Variants in ZFP2 observed in about 807,000 individuals in gnomAD.
The protein encoded by ZFP2 is ZFP2 zinc finger protein, also known as zinc finger protein ZFP2.
Under a neutral mutation model 36.1 loss-of-function variants are expected in ZFP2, and 33 were observed. The observed-to-expected ratio is 0.92, with a 90% confidence interval of 0.69 to 1.22. The LOEUF is 1.22. Among genes scored for constraint, ZFP2 ranks in the 50% most tolerant of loss-of-function variants. ZFP2 has a pLI of 0.00. For missense variants in ZFP2, 522 were observed against 551.4 expected, an observed-to-expected ratio of 0.95 and a Z score of 0.53; for synonymous variants, 170 against 178.0, an observed-to-expected ratio of 0.96 and a Z score of 0.36.
chr5:178,905,044 T>C (rs1449945499), intron 1 of ZFP2, among the ~76,000 whole-genome samples: 1 of 152,122 alleles, frequency 6.6e-6, no homozygotes, highest in South Asian at 2.1e-4. Flanking sequence ...ATTTTTCGTT[T>C]CAAAAGTTTC....
chr5:178,932,476 G>A lies in ZFP2; in HGVS notation c.1163G>A (p.Gly388Glu), dbSNP rs780869458. The part of the protein sequence containing the change: ...GEKPYECNEC[G>E]KAFSQSAYLI... Reference sequence around the variant, plus strand: ...AAACCTTATGAGTGCAATGAATGTGGAAAGGCATTCAGCCAGAGTGCTTAC... The same window carrying A: ...AAACCTTATGAGTGCAATGAATGTGAAAAGGCATTCAGCCAGAGTGCTTAC... Residue 388 changes from glycine (G) to glutamate (E), a missense_variant, in exon 5 of 5, where the codon GGA becomes GAA. Transcript: ENST00000361362. 6.2e-7 allele frequency: 1 copy of A among 1,614,010 alleles called. No homozygotes were observed. The highest frequency in any genetic ancestry group is 1.1e-5 in the South Asian group (1 of 91,080).
At chr5:178,922,501 A>G in intron 4 of ZFP2, 4 of 1,372,456 alleles carry the variant, frequency 2.9e-6, no homozygotes, top group Non-Finnish European at 4.2e-6. Flanking sequence ...GTAGAAATGG[A>G]GTTACATCCA....
intron 1 of ZFP2, chr5:178,910,050 A>G: frequency 6.8e-7 from 1 of 1,468,838 alleles, no homozygotes; most frequent in East Asian, 2.3e-5. Context: ...TTCAGAGTCC[A>G]GGCCAAACTG....
intron 4 of ZFP2, among the ~76,000 whole-genome samples, chr5:178,927,480 A>G (rs1758701129): frequency 6.7e-6 from 1 of 150,002 alleles, no homozygotes; most frequent in Non-Finnish European, 1.5e-5. Flanking sequence ...TAGGTAATTT[A>G]TTCATTTATT....
At chr5:178,909,564 G>A (rs779620720) in intron 1 of ZFP2, 95 of 650,352 alleles carry the variant, frequency 1.5e-4, no homozygotes, top group Non-Finnish European at 1.9e-4. Context: ...TAGCCCCCAC[G>A]GCCTGGTGTT....
At chr5:178,909,604 G>C (rs1758246644) in intron 1 of ZFP2, 2 of 1,172,042 alleles carry the variant, frequency 1.7e-6, no homozygotes, top group South Asian at 4.6e-5. Flanking sequence ...AAGGTGTGAA[G>C]TAGAAACTAT....
At chr5:178,902,626 A>T (rs1247012806) in intron 1 of ZFP2, among the ~76,000 whole-genome samples, 3 of 152,214 alleles carry the variant, frequency 2.0e-5, no homozygotes, top group African/African-American at 7.2e-5. Flanking sequence ...ATTAATTAAA[A>T]TTTGAATGGC....
intron 3 of ZFP2, among the ~76,000 whole-genome samples, chr5:178,916,292 T>C (rs148281066): frequency 6.6e-6 from 1 of 152,290 alleles, no homozygotes; most frequent in Non-Finnish European, 1.5e-5. Flanking sequence ...AGAAATACGC[T>C]GTGGGCAGAA....
rs372103494 is a variant in ZFP2 at position 178,896,519 on chromosome 5, C to T, written c.-450+545C>T. On this transcript the variant is annotated intron_variant, in intron 1 of 4. Transcript: ENST00000361362. ...GTCTCCGGACCCGCCCTCTGGATCT[C>T]ATTCCGAGAGCGCTGGCGTGGGCTC... Among the ~76,000 whole-genome samples the T allele has an allele frequency of 8.9e-4, 136 of 152,304 alleles. 1 individual carries two copies. In the East Asian group the frequency reaches 0.022, roughly 25 times the overall value.
At chr5:178,908,997 G>T (rs945308784) in intron 1 of ZFP2, among the ~76,000 whole-genome samples, 3 of 150,238 alleles carry the variant, frequency 2.0e-5, no homozygotes, top group African/African-American at 7.4e-5. Flanking sequence ...CTGCCCTGCC[G>T]CACCGTTATC....
At chr5:178,901,735 T>C (rs961153160) in intron 1 of ZFP2, among the ~76,000 whole-genome samples, 3 of 152,026 alleles carry the variant, frequency 2.0e-5, no homozygotes, top group South Asian at 2.1e-4. Flanking sequence ...CTAGGTATTA[T>C]AAGCTTTTTA....
At position 178,931,368 on chromosome 5, in the gene ZFP2, A is replaced by T. The variant is rs750248274; in HGVS notation, c.55A>T (p.Asn19Tyr). Residue 19 changes from asparagine (N) to tyrosine (Y), a missense_variant, in exon 5 of 5, where the codon AAT (asparagine) becomes TAT (tyrosine). Asn to Tyr is a moderately radical substitution (Grantham distance 143). Coordinates refer to ENST00000361362, the MANE Select transcript of ZFP2 (RefSeq NM_030613.4). ...TCTAGGGGAAACCTGGGAACCTAAT[A>T]ATTGGTTAGAGGGACAACAGGATAG... ...STLGETWEPN[N>Y]WLEGQQDSHL... 1.2e-6 allele frequency: 2 copies of T among 1,613,570 alleles called. No homozygotes were observed. Among genetic ancestry groups the T allele is most frequent in the Non-Finnish European group, 1.7e-6 (2 of 1,179,844 alleles).
At chr5:178,916,875 T>C (rs1335217018) in intron 4 of ZFP2, among the ~76,000 whole-genome samples, 165 bp downstream of exon 4, 1 of 152,256 alleles carries the variant, frequency 6.6e-6, no homozygotes, top group Admixed American at 6.5e-5. Context: ...TTTCCTAGTA[T>C]ATTTAGTAAA....
intron 4 of ZFP2, among the ~76,000 whole-genome samples, chr5:178,926,241 T>TC (rs1217568386): frequency 1.4e-5 from 2 of 141,308 alleles, no homozygotes; most frequent in Non-Finnish European, 3.2e-5. Flanking sequence ...ACTTCTTTTT[T>TC]CTTCTCATTC....
intron 4 of ZFP2, among the ~76,000 whole-genome samples, chr5:178,926,323 A>G (rs1469424865): frequency 2.0e-5 from 3 of 151,978 alleles, no homozygotes; most frequent in Non-Finnish European, 1.5e-5. Flanking sequence ...TTTTCTGTGT[A>G]TAATTTATCT....
chr5:178,901,891 T>C (rs1758064473), intron 1 of ZFP2, among the ~76,000 whole-genome samples: 1 of 152,112 alleles, frequency 6.6e-6, no homozygotes, highest in African/African-American at 2.4e-5. Flanking sequence ...CCCAGCACTT[T>C]GGGAGGCCAC....
intron 4 of ZFP2, among the ~76,000 whole-genome samples, chr5:178,919,344 C>T (rs1450725570): frequency 1.3e-5 from 2 of 152,104 alleles, no homozygotes; most frequent in East Asian, 1.9e-4. Flanking sequence ...GTCTAAGTAA[C>T]CAGCATTGTT....
At chr5:178,901,696 A>G (rs1250368618) in intron 1 of ZFP2, among the ~76,000 whole-genome samples, 2 of 151,810 alleles carry the variant, frequency 1.3e-5, no homozygotes, top group Non-Finnish European at 2.9e-5. Context: ...ACTTCAACAT[A>G]CCTTTTTTGG....
rs540400216 is a variant in ZFP2, at chr5:178,922,913, G to GA, written c.-78+6212dup. Among the ~76,000 whole-genome samples the GA allele has an allele frequency of 1.2e-4, 18 of 147,912 alleles. 2 individuals are homozygous for GA. Among genetic ancestry groups the GA allele is most frequent in the Admixed American group, 5.4e-4 (8 of 14,784 alleles). On this transcript the variant is annotated intron_variant, in intron 4 of 4. Coordinates refer to ENST00000361362, the MANE Select transcript of ZFP2 (RefSeq NM_030613.4). ...TAGTTGAAATAAAGTATTTATAATA[G>GA]AAAAAAAAATATTGAAAGCTATATA...
Sources: allele counts gnomAD v4.1 joint callset (sites outside exome capture counted in the v4.1 genomes callset), GRCh38; gene constraint gnomAD v4.1.1; transcripts MANE v1.5; gene names NCBI Gene and HGNC (gene_info 2026-07-23, HGNC 2026-07-21).